LDLRAD4: variants seen among roughly 807,000 people sequenced by gnomAD.
The protein encoded by LDLRAD4 is low density lipoprotein receptor class A domain containing 4.
Under a neutral mutation model 17.0 loss-of-function variants are expected in LDLRAD4, and 5 were observed. The observed-to-expected ratio is 0.29, with a 90% confidence interval of 0.15 to 0.62. The LOEUF (loss-of-function observed/expected upper bound fraction) is 0.62. LDLRAD4 is among the 20% of genes least tolerant of loss of function. The pLI is 0.84. For synonymous variants in LDLRAD4, 168 were observed against 171.8 expected, an observed-to-expected ratio of 0.98 and a Z score of 0.17; for missense variants, 340 against 424.7, an observed-to-expected ratio of 0.80 and a Z score of 1.75.
upstream of LDLRAD4, among the ~76,000 whole-genome samples, chr18:13,275,624 ATTGT>A (rs1057497957): frequency 1.3e-5 from 2 of 152,212 alleles, no homozygotes; most frequent in African/African-American, 4.8e-5. Context: ...AGTGTAATTG[ATTGT>A]TTGTAACTCA....
intron 2 of LDLRAD4, among the ~76,000 whole-genome samples, chr18:13,397,652 G>C (rs2086809128): frequency 6.6e-6 from 1 of 152,108 alleles, no homozygotes; most frequent in African/African-American, 2.4e-5. Context: ...TGTCTGTAGA[G>C]CCCTAGAGCA....
At chr18:13,567,000 G>A (rs2148291407) in intron 3 of LDLRAD4, among the ~76,000 whole-genome samples, 1 of 152,302 alleles carries the variant, frequency 6.6e-6, no homozygotes, top group Middle Eastern at 3.4e-3. Flanking sequence ...GCCTGGCCTG[G>A]AGTCACACAG....
chr18:13,394,596 CT>C (rs1307953244), intron 2 of LDLRAD4, among the ~76,000 whole-genome samples: 1 of 152,200 alleles, frequency 6.6e-6, no homozygotes, highest in East Asian at 1.9e-4. Context: ...TTTTCCAGCT[CT>C]TTTTATTTAT....
At chr18:13,608,233 G>T (rs1237015261) in intron 3 of LDLRAD4, among the ~76,000 whole-genome samples, 3 of 151,512 alleles carry the variant, frequency 2.0e-5, no homozygotes, top group Admixed American at 6.6e-5. Context: ...ACCATCTCAC[G>T]CCAGTTAGAA....
chr18:13,446,177 C>A (rs1420575220), intron 3 of LDLRAD4, among the ~76,000 whole-genome samples: 1 of 152,126 alleles, frequency 6.6e-6, no homozygotes, highest in East Asian at 1.9e-4. Context: ...CTCAAAAGCA[C>A]CCTAGAAAGG....
At chr18:13,222,194 A>G (rs1198743182) in intron 1 of LDLRAD4, among the ~76,000 whole-genome samples, 2 of 151,730 alleles carry the variant, frequency 1.3e-5, no homozygotes, top group Non-Finnish European at 2.9e-5. Context: ...CACTCCCCCC[A>G]TCCATTTATT....
At chr18:13,236,159 C>T (rs962882030) in intron 1 of LDLRAD4, among the ~76,000 whole-genome samples, 3 of 152,178 alleles carry the variant, frequency 2.0e-5, no homozygotes, top group African/African-American at 7.2e-5. Flanking sequence ...GAGAGTGGTT[C>T]CATCTGGCAC....
intron 1 of LDLRAD4, among the ~76,000 whole-genome samples, chr18:13,323,040 G>A (rs1023555865): frequency 2.8e-4 from 43 of 152,168 alleles, no homozygotes; most frequent in African/African-American, 8.7e-4. Context: ...TACAAAATTG[G>A]TAGCAGCATC....
intron 3 of LDLRAD4, among the ~76,000 whole-genome samples, chr18:13,525,393 C>T (rs2094014848): frequency 1.3e-5 from 2 of 152,252 alleles, no homozygotes; most frequent in Non-Finnish European, 2.9e-5. Flanking sequence ...ACGCTAAAGT[C>T]AACCTCTGCC....
At chr18:13,428,535 C>G (rs1160758968) in intron 2 of LDLRAD4, among the ~76,000 whole-genome samples, 5 of 152,198 alleles carry the variant, frequency 3.3e-5, no homozygotes, top group African/African-American at 1.2e-4. Context: ...GAGACCTGAT[C>G]TGACTTCCAT....
chr18:13,647,440 T>C (rs2043056208), exon 6 of LDLRAD4: 1 of 152,104 alleles, frequency 6.6e-6, no homozygotes, highest in Non-Finnish European at 1.5e-5. Flanking sequence ...GGAATGATGA[T>C]TCCATGACTC....
intron 1 of LDLRAD4, among the ~76,000 whole-genome samples, chr18:13,281,672 GT>G (rs1567964129): frequency 6.6e-6 from 1 of 152,118 alleles, no homozygotes; most frequent in Non-Finnish European, 1.5e-5. Context: ...GGGATCCCAG[GT>G]TTGGGGGTTC....
chr18:13,282,924 A>G (rs1208927153), intron 1 of LDLRAD4, among the ~76,000 whole-genome samples: 2 of 152,232 alleles, frequency 1.3e-5, no homozygotes, highest in East Asian at 1.9e-4. Flanking sequence ...CCAAACCTCA[A>G]TTCTTGACTT....
chr18:13,534,507 G>A (rs1251294085), intron 3 of LDLRAD4, among the ~76,000 whole-genome samples: 1 of 151,504 alleles, frequency 6.6e-6, no homozygotes, highest in East Asian at 1.9e-4. Flanking sequence ...GAAAGAGGAC[G>A]AAAAGGCTTT....
chr18:13,404,239 C>T (rs1204106229), intron 2 of LDLRAD4, among the ~76,000 whole-genome samples: 1 of 152,230 alleles, frequency 6.6e-6, no homozygotes, highest in Admixed American at 6.5e-5. Context: ...CAGGCCCCTT[C>T]CCCTGGGGGG....
At chr18:13,309,024 T>C (rs1212441842) in intron 1 of LDLRAD4, among the ~76,000 whole-genome samples, 3 of 152,214 alleles carry the variant, frequency 2.0e-5, no homozygotes, top group East Asian at 1.9e-4. Flanking sequence ...TTATTTAAAA[T>C]AGTAAGATAT....
At chr18:13,515,002 A>T (rs1405110022) in intron 3 of LDLRAD4, 2 of 152,234 alleles carry the variant, frequency 1.3e-5, no homozygotes, top group Non-Finnish European at 2.9e-5. Flanking sequence ...TGGGCAAAGC[A>T]TGGAAGGTAT....
intron 1 of LDLRAD4, among the ~76,000 whole-genome samples, chr18:13,287,038 G>A (rs1032974270): frequency 5.3e-5 from 8 of 152,168 alleles, no homozygotes; most frequent in African/African-American, 1.7e-4. Context: ...GGCTGGATGC[G>A]TCTGGAGGGC....
At chr18:13,596,750 T>C (rs2095101017) in intron 3 of LDLRAD4, among the ~76,000 whole-genome samples, 1 of 152,212 alleles carries the variant, frequency 6.6e-6, no homozygotes, top group Admixed American at 6.5e-5. Context: ...TAATTTACCT[T>C]TTCTAGTTCT....
Sources: allele counts gnomAD v4.1 joint callset (sites outside exome capture counted in the v4.1 genomes callset), GRCh38; gene constraint gnomAD v4.1.1; transcripts MANE v1.5; gene names NCBI Gene and HGNC (gene_info 2026-07-23, HGNC 2026-07-21).